The following ELOVL5 variants were observed in gnomAD, a reference collection of about 807,000 sequenced individuals.
ELOVL5 encodes ELOVL fatty acid elongase 5.
Under a neutral mutation model 38.6 loss-of-function variants are expected in ELOVL5, and 8 were observed. That is an observed-to-expected ratio of 0.21 (90% CI 0.12 to 0.37). ELOVL5 has a LOEUF of 0.37. Ranked by LOEUF, ELOVL5 falls within the 10% of genes least tolerant of loss-of-function variation. ELOVL5 has a pLI of 1.00. For synonymous variants in ELOVL5, 127 were observed against 133.7 expected, an observed-to-expected ratio of 0.95 and a Z score of 0.34; for missense variants, 280 against 367.8, an observed-to-expected ratio of 0.76 and a Z score of 1.95.
intron 3 of ELOVL5, among the ~76,000 whole-genome samples, chr6:53,277,945 C>T (rs764336309): frequency 1.3e-5 from 2 of 152,166 alleles, no homozygotes; most frequent in Non-Finnish European, 2.9e-5. Context: ...ACTGGTGCTT[C>T]TTGATGAAAT....
At chr6:53,271,751 T>G (rs1765940519) in intron 6 of ELOVL5, among the ~76,000 whole-genome samples, 1 of 152,212 alleles carries the variant, frequency 6.6e-6, no homozygotes, top group South Asian at 2.1e-4. Flanking sequence ...TGACCCACTG[T>G]GCCTGGCTGT....
At chr6:53,341,020 C>G (rs991278307) in intron 1 of ELOVL5, among the ~76,000 whole-genome samples, 2 of 152,182 alleles carry the variant, frequency 1.3e-5, no homozygotes, top group Non-Finnish European at 2.9e-5. Flanking sequence ...GCCAGTCATA[C>G]TAATCCAGCC....
At chr6:53,318,671 T>C (rs1768153979) in intron 1 of ELOVL5, among the ~76,000 whole-genome samples, 1 of 152,142 alleles carries the variant, frequency 6.6e-6, no homozygotes. Context: ...GCCCAGGCGG[T>C]GCTGGCTGCA....
At chr6:53,296,905 C>A (rs1250486843) in intron 1 of ELOVL5, among the ~76,000 whole-genome samples, 3 of 152,240 alleles carry the variant, frequency 2.0e-5, no homozygotes, top group Non-Finnish European at 4.4e-5. Context: ...GCTTGCCACA[C>A]TGAAGCGTTA....
At chr6:53,342,271 C>CTCCTAGGG (rs1305577999) in intron 1 of ELOVL5, among the ~76,000 whole-genome samples, 2 of 152,200 alleles carry the variant, frequency 1.3e-5, no homozygotes, top group African/African-American at 4.8e-5. Context: ...AGATACATCA[C>CTCCTAGGG]ATTTCAAACT....
intron 1 of ELOVL5, among the ~76,000 whole-genome samples, chr6:53,339,834 G>A (rs1173645122): frequency 6.6e-6 from 1 of 152,126 alleles, no homozygotes; most frequent in Non-Finnish European, 1.5e-5. Context: ...ATTTTAAAAA[G>A]TTAACTATGA....
At chr6:53,324,655 CAA>C (rs1254018386) in intron 1 of ELOVL5, among the ~76,000 whole-genome samples, 12 of 99,626 alleles carry the variant, frequency 1.2e-4, no homozygotes, top group Admixed American at 4.0e-4. Flanking sequence ...AGCCTGGTGA[CAA>C]GAGGGAGATC....
At chr6:53,280,840 T>C (rs899860493) in intron 3 of ELOVL5, among the ~76,000 whole-genome samples, 1 of 152,122 alleles carries the variant, frequency 6.6e-6, no homozygotes, top group Non-Finnish European at 1.5e-5. Flanking sequence ...AGTGATCTGC[T>C]TGCCTTGGCC....
chr6:53,314,651 C>T (rs1055127918), intron 1 of ELOVL5, among the ~76,000 whole-genome samples: 1 of 151,936 alleles, frequency 6.6e-6, no homozygotes, highest in Non-Finnish European at 1.5e-5. Flanking sequence ...AGTCATGACC[C>T]ATATTTTCAG....
chr6:53,273,462 G>A lies in ELOVL5; in HGVS notation c.497-118C>T, dbSNP rs9463895. On this transcript the variant is annotated intron_variant, in intron 5 of 7. Transcript: ENST00000304434. The stretch of plus-strand genomic sequence containing the variant: ...ATCAGAAAGAGAGATGACTTCCAAC[G>A]GAGCTGACAAACACTGCAACAGCAA... 0.32 allele frequency: 289,741 copies of A among 918,966 alleles called. 49,330 individuals are homozygous for A. The highest frequency in any genetic ancestry group is 0.55 in the African/African-American group (32,889 of 59,316). The allele number at this position is 918,966 out of a possible 1,614,324, so 56.9% of individuals were successfully genotyped here.
chr6:53,324,967 C>T (rs551299151), intron 1 of ELOVL5, among the ~76,000 whole-genome samples: 13 of 152,254 alleles, frequency 8.5e-5, no homozygotes, highest in Non-Finnish European at 1.5e-4. Context: ...ATGGCTGGGG[C>T]GGACAGATTA....
At chr6:53,338,908 A>G (rs1231908726) in intron 1 of ELOVL5, among the ~76,000 whole-genome samples, 1 of 152,256 alleles carries the variant, frequency 6.6e-6, no homozygotes, top group Non-Finnish European at 1.5e-5. Flanking sequence ...AGCTGAAATT[A>G]AAAGACGGTG....
At chr6:53,322,157 T>A (rs1400916884) in intron 1 of ELOVL5, among the ~76,000 whole-genome samples, 1 of 152,222 alleles carries the variant, frequency 6.6e-6, no homozygotes, top group African/African-American at 2.4e-5. Flanking sequence ...GGACATGGAC[T>A]GTCATTTAAA....
chr6:53,311,033 C>T (rs943943656), intron 1 of ELOVL5, among the ~76,000 whole-genome samples: 1 of 152,208 alleles, frequency 6.6e-6, no homozygotes, highest in African/African-American at 2.4e-5. Context: ...CTCTGTACCT[C>T]AACAGACTCT....
At chr6:53,282,417 G>T (rs1165485458) in intron 3 of ELOVL5, among the ~76,000 whole-genome samples, 1 of 152,238 alleles carries the variant, frequency 6.6e-6, no homozygotes, top group Non-Finnish European at 1.5e-5. Flanking sequence ...AAGCCAGAAG[G>T]CTTCCTCTCT....
At chr6:53,304,352 G>A (rs1466699766) in intron 1 of ELOVL5, among the ~76,000 whole-genome samples, 2 of 152,120 alleles carry the variant, frequency 1.3e-5, no homozygotes, top group East Asian at 1.9e-4. Context: ...TACATGATCA[G>A]TAAAGACACT....
chr6:53,312,110 C>A (rs9395856), intron 1 of ELOVL5, among the ~76,000 whole-genome samples: 1 of 151,830 alleles, frequency 6.6e-6, no homozygotes, highest in Admixed American at 6.6e-5. Flanking sequence ...TGAAACCTTC[C>A]GTAACCTAGA....
chr6:53,283,154 TAA>T (rs1266804496), intron 3 of ELOVL5, among the ~76,000 whole-genome samples: 1 of 152,216 alleles, frequency 6.6e-6, no homozygotes, highest in Non-Finnish European at 1.5e-5. Context: ...TCTCTCACTA[TAA>T]ACACAGGTAG....
At chr6:53,276,394 T>C (rs1409021005) in intron 3 of ELOVL5, 138 bp from the exon 4 acceptor site, 2 of 621,102 alleles carry the variant, frequency 3.2e-6, no homozygotes, top group African/African-American at 3.7e-5. Flanking sequence ...AAAACAATTG[T>C]AGGCAAGTGT....
Sources: gnomAD v4.1 joint callset for allele counts (sites outside exome capture counted in the v4.1 genomes callset) on GRCh38, gnomAD v4.1.1 for gene constraint, MANE v1.5 for transcripts, NCBI Gene and HGNC (gene_info 2026-07-23, HGNC 2026-07-21) for gene names.